SLC12A7: variants seen among roughly 807,000 people sequenced by gnomAD.
The protein encoded by SLC12A7 is solute carrier family 12 member 7, also known as K-Cl cotransporter 4.
A neutral mutation model predicts 120.6 loss-of-function variants in SLC12A7; 100 were observed. The observed-to-expected ratio is 0.83, with a 90% CI of 0.71 to 0.98. SLC12A7 has a LOEUF of 0.98. Ranked by LOEUF, SLC12A7 falls within the 50% of genes least tolerant of loss-of-function variation. The pLI is 0.00. For missense variants in SLC12A7, 1,373 were observed against 1,548.1 expected (o/e 0.89, Z 1.90); for synonymous variants, 760 against 678.0 (o/e 1.12, Z -1.88).
chr5:1,129,724 T>C, the SLC12A7 span, among the ~76,000 whole-genome samples: 1 of 152,140 alleles, frequency 6.6e-6, no homozygotes, highest in Non-Finnish European at 1.5e-5. Context: ...GGGGTCACCC[T>C]GATGGGATGT....
intron 1 of SLC12A7, among the ~76,000 whole-genome samples, chr5:1,099,931 C>T (rs1741844851): frequency 6.6e-6 from 1 of 152,186 alleles, no homozygotes. Context: ...TGGCCCGCCC[C>T]ACTTCGCAAC....
At chr5:1,070,018 G>A (rs1213429706) in intron 17 of SLC12A7, among the ~76,000 whole-genome samples, 2 of 14,376 alleles carry the variant, frequency 1.4e-4, no homozygotes, top group African/African-American at 2.1e-4. Context: ...CCCAGCACAC[G>A]GGCATCACAC....
At position 1,051,384 on chromosome 5, in the gene SLC12A7, C is replaced by CTAGGG. The variant is rs1554008509; in HGVS notation, c.*975_*976insCCCTA. ...AGAGGCTGAACTGTGTGCCGTGCTC[C>CTAGGG]TGGGGTGGGGTGGGGTGGGGAGGGC... On this transcript the variant is annotated 3_prime_UTR_variant, in exon 24 of 24. Transcript: ENST00000264930. 1.7e-5 allele frequency: 2 copies of CTAGGG among 121,206 alleles called. No homozygotes were observed. The highest frequency in any genetic ancestry group is 3.3e-5 in the Non-Finnish European group (2 of 60,810). 7.5% of individuals were successfully genotyped at this position (121,206 alleles called of 1,614,324 possible). A position where few individuals can be genotyped will look rare whatever the true frequency, so the allele number is the denominator to read the frequency against.
In SLC12A7 at chr5:1,083,913, C is replaced by A. The variant is rs770580445; in HGVS notation, c.961G>T (p.Asp321Tyr). 1.1e-5 allele frequency: 18 copies of A among 1,606,644 alleles called. No individual in the cohort carries two copies. The highest frequency in any genetic ancestry group is 1.5e-5 in the Non-Finnish European group (18 of 1,179,410). ...ATGCCGTAGGCCTTGACGCAGGCAT[C>A]GAAGCTGCGCCGTGACAGCGTGCGG... Reference protein sequence around the residue: ...GNRTLSRRSFDACVKAYGIHN... With the variant: ...GNRTLSRRSFYACVKAYGIHN... The change falls in exon 8 of 24, where the codon GAT becomes TAT. Residue 321 changes from aspartate (D) to tyrosine (Y), a missense_variant. Physicochemically the swap from Asp to Tyr is radical, Grantham distance 160 (BLOSUM62 -3). Coordinates refer to ENST00000264930, the MANE Select transcript of SLC12A7 (RefSeq NM_006598.3).
At chr5:1,117,905 A>G in the SLC12A7 span, among the ~76,000 whole-genome samples, 7 of 152,160 alleles carry the variant, frequency 4.6e-5, no homozygotes, top group South Asian at 2.1e-4. The surrounding 1 kb of genome is among the most constrained non-coding windows in gnomAD (Gnocchi z 4.5). Context: ...CCCCGTCTCT[A>G]CTAAAAATAC....
In SLC12A7 at chr5:1,073,814, TG is replaced by T. The variant is rs759771585; in HGVS notation, c.2073-14del. 3 of 1,396,738 alleles carry T rather than the reference TG, an allele frequency of 2.1e-6. No individual in the cohort carries two copies. The highest frequency in any genetic ancestry group is 1.8e-5 in the South Asian group (1 of 55,294). The allele number at this position is 1,396,738 out of a possible 1,614,324, so 86.5% of individuals were successfully genotyped here. On this transcript the variant is annotated splice_polypyrimidine_tract_variant and intron_variant, in intron 16 of 23. Transcript: ENST00000264930. ...CAGCACCTGGGGCCTGCAGCCAGGG[TG>T]GGGCGGCTGTTACCACGGCAACGCT...
At chr5:1,078,678 G>A (rs770632322) in intron 11 of SLC12A7, 23 bp downstream of exon 11, 6 of 1,604,200 alleles carry the variant, frequency 3.7e-6, no homozygotes, top group Admixed American at 3.3e-5. Context: ...GGCTTTGCAC[G>A]AAAACTGCAG....
In SLC12A7 at chr5:1,053,431, G is replaced by T; in HGVS notation, c.3078C>A (p.Val1026=). 2 of 1,613,976 alleles carry T rather than the reference G, an allele frequency of 1.2e-6. No individual in the cohort carries two copies. The highest frequency in any genetic ancestry group is 2.2e-5 in the South Asian group (2 of 91,084). The change falls in exon 23 of 24, where the codon GTC becomes GTA. Residue 1026 remains valine, a synonymous_variant. Transcript: ENST00000264930. ...RMHTAVKLNG[V]VLNKSQDAQL... Reference sequence around the variant, plus strand: ...GCGCATCCTGGGACTTGTTGAGGACGACGCCATTGAGCTTCACAGCCGTGT... The same window carrying T: ...GCGCATCCTGGGACTTGTTGAGGACTACGCCATTGAGCTTCACAGCCGTGT...
At chr5:1,147,953 T>C in the SLC12A7 span, among the ~76,000 whole-genome samples, 2 of 151,912 alleles carry the variant, frequency 1.3e-5, no homozygotes, top group Non-Finnish European at 2.9e-5. Flanking sequence ...CAGGGTGGTC[T>C]TGAACTCCTG....
chr5:1,080,664 C>T (rs568623598), intron 9 of SLC12A7, among the ~76,000 whole-genome samples: 7 of 152,306 alleles, frequency 4.6e-5, no homozygotes, highest in Admixed American at 6.5e-5. Context: ...GTGTGCGACT[C>T]GAAGAGCACG....
intron 17 of SLC12A7, among the ~76,000 whole-genome samples, chr5:1,069,906 G>A (rs1440411679): frequency 6.6e-6 from 1 of 152,088 alleles, no homozygotes; most frequent in African/African-American, 2.4e-5. Context: ...GCACCAGCAT[G>A]CTACACGCCC....
intron 20 of SLC12A7, among the ~76,000 whole-genome samples, chr5:1,061,606 C>T (rs1022656937): frequency 1.3e-5 from 2 of 152,206 alleles, no homozygotes; most frequent in African/African-American, 4.8e-5. Flanking sequence ...CCGCCGCACC[C>T]GGCTCATGGG....
intron 1 of SLC12A7, among the ~76,000 whole-genome samples, chr5:1,104,619 G>T (rs75762732): frequency 6.6e-6 from 1 of 152,316 alleles, no homozygotes; most frequent in South Asian, 2.1e-4. Context: ...AGGCCTGGGC[G>T]GGGCCCACTC....
In SLC12A7 at chr5:1,050,823, C is replaced by G; in HGVS notation, c.*1537G>C. Reference sequence around the variant, plus strand: ...GATGTCTGGGACACGCTCTGGGCAGCAGCCGTCACTCTACAGCAATGCCAG... The same window carrying G: ...GATGTCTGGGACACGCTCTGGGCAGGAGCCGTCACTCTACAGCAATGCCAG... On this transcript the variant is annotated 3_prime_UTR_variant, in exon 24 of 24. Coordinates refer to ENST00000264930, the MANE Select transcript of SLC12A7 (RefSeq NM_006598.3). 1 of 398,618 alleles carries G rather than the reference C, an allele frequency of 2.5e-6. No individual in the cohort carries two copies. The highest frequency in any genetic ancestry group is 4.4e-6 in the Non-Finnish European group (1 of 226,044). The allele number at this position is 398,618 out of a possible 1,614,324, so 24.7% of individuals were successfully genotyped here.
chr5:1,089,082 T>G lies in SLC12A7; in HGVS notation c.389A>C (p.Gln130Pro). Residue 130 changes from glutamine (Q) to proline (P), a missense_variant, in exon 4 of 24, where the codon CAG becomes CCG. Transcript: ENST00000264930. The part of the protein sequence containing the change: ...TFIGVYLPCL[Q>P]NILGVILFLR... ...GAAGAGGATGACGCCCAGGATGTTC[T>G]GCAGGCACGGCAGGTAGACGCCGAT... is the stretch of plus-strand genomic sequence containing the variant. 1 of 1,613,002 alleles carries G rather than the reference T, an allele frequency of 6.2e-7. No homozygotes were observed. Among genetic ancestry groups the G allele is most frequent in the Non-Finnish European group, 8.5e-7 (1 of 1,179,970 alleles).
Position 1,111,986 on chromosome 5 carries a change from G to A in SLC12A7, c.6C>T (p.Pro2=). Residue 2 remains proline, a synonymous_variant, in exon 1 of 24, where the codon CCC becomes CCT. Coordinates refer to ENST00000264930, the MANE Select transcript of SLC12A7 (RefSeq NM_006598.3). M[P]TNFTVVPVEA... is the part of the protein sequence containing the mutation. ...CCACGGGCACCACGGTGAAGTTGGT[G>A]GGCATGGCCGCCTGCAGCCGACAGT... 2 of 1,277,632 alleles carry A rather than the reference G, an allele frequency of 1.6e-6. No individual in the cohort carries two copies. Among genetic ancestry groups the A allele is most frequent in the Non-Finnish European group, 2.0e-6 (2 of 1,012,526 alleles). 79.1% of individuals were successfully genotyped at this position (1,277,632 alleles called of 1,614,324 possible).
intron 17 of SLC12A7, among the ~76,000 whole-genome samples, chr5:1,067,274 G>A (rs1259500200): frequency 6.6e-6 from 1 of 152,256 alleles, no homozygotes; most frequent in Non-Finnish European, 1.5e-5. Flanking sequence ...CAGCCAGCAA[G>A]CGGAGGCAGG....
At chr5:1,149,250 A>C in the SLC12A7 span, among the ~76,000 whole-genome samples, 3 of 151,686 alleles carry the variant, frequency 2.0e-5, no homozygotes, top group Admixed American at 2.0e-4. Flanking sequence ...CCCACTTGTA[A>C]CATCCTCACC....
At chr5:1,097,664 T>C (rs889952937) in intron 1 of SLC12A7, among the ~76,000 whole-genome samples, 3 of 151,948 alleles carry the variant, frequency 2.0e-5, no homozygotes, top group Non-Finnish European at 2.9e-5. Flanking sequence ...AGACGATGAG[T>C]CCAGAACGCG....
Sources: allele counts gnomAD v4.1 joint callset (sites outside exome capture counted in the v4.1 genomes callset), GRCh38; gene constraint gnomAD v4.1.1; non-coding constraint Gnocchi (gnomAD v3.1); transcripts MANE v1.5; gene names NCBI Gene and HGNC (gene_info 2026-07-23, HGNC 2026-07-21).